PRKG1: variants seen among roughly 807,000 people sequenced by gnomAD.
PRKG1 encodes the protein cGMP-dependent protein kinase 1.
Under a neutral mutation model 88.1 loss-of-function variants are expected in PRKG1, and 35 were observed. The ratio of observed to expected loss-of-function variants is 0.40; its 90% confidence interval spans 0.30 to 0.53. The LOEUF (loss-of-function observed/expected upper bound fraction) is 0.53. PRKG1 is among the 20% of genes least tolerant of loss of function. PRKG1 has a pLI of 0.59. For missense variants in PRKG1, 540 were observed against 839.8 expected, an observed-to-expected ratio of 0.64 and a Z score of 4.41; for synonymous variants, 303 against 292.5, an observed-to-expected ratio of 1.04 and a Z score of -0.37.
intron 2 of PRKG1, among the ~76,000 whole-genome samples, chr10:51,157,737 CA>C (rs1846249696): frequency 6.6e-6 from 1 of 151,658 alleles, no homozygotes; most frequent in Admixed American, 6.6e-5. Context: ...TTTAAAATGG[CA>C]AGTGTCTGTT....
At chr10:51,020,682 A>G (rs1843124005) in intron 1 of PRKG1, among the ~76,000 whole-genome samples, 1 of 152,234 alleles carries the variant, frequency 6.6e-6, no homozygotes, top group Non-Finnish European at 1.5e-5. Context: ...TCTGTAAATT[A>G]GAAGACACCA....
chr10:51,286,130 C>T (rs1276103343), intron 2 of PRKG1, among the ~76,000 whole-genome samples: 1 of 152,106 alleles, frequency 6.6e-6, no homozygotes, highest in Non-Finnish European at 1.5e-5. Context: ...CCCACCATGC[C>T]TGGTTAATTT....
chr10:51,019,669 T>A lies in PRKG1; in HGVS notation c.266+28025T>A, dbSNP rs1033500699. The stretch of plus-strand genomic sequence containing the variant: ...TGGACTTCATGAAAATTAAAAAAAA[T>A]TGTGTCTCAAAAGACAATATCAACA... On this transcript the variant is annotated intron_variant, in intron 1 of 17. Coordinates refer to the PRKG1 transcript ENST00000401604. Among the ~76,000 whole-genome samples the A allele has an allele frequency of 3.3e-5, 5 of 151,562 alleles. No individual in the cohort carries two copies. In the East Asian group the frequency reaches 5.8e-4, roughly 18 times the overall value.
At chr10:51,342,524 T>C (rs566005365) in intron 2 of PRKG1, among the ~76,000 whole-genome samples, 1 of 152,278 alleles carries the variant, frequency 6.6e-6, no homozygotes, top group East Asian at 1.9e-4. Flanking sequence ...TGTTTGCCAA[T>C]TCAGTATCTC....
chr10:51,396,861 C>A (rs907257067), intron 2 of PRKG1, among the ~76,000 whole-genome samples: 11 of 152,140 alleles, frequency 7.2e-5, no homozygotes, highest in African/African-American at 2.7e-4. Flanking sequence ...GAGTGAAACA[C>A]CTTGGGTGGA....
chr10:52,101,560 T>C (rs1847293991), intron 7 of PRKG1, among the ~76,000 whole-genome samples: 1 of 152,186 alleles, frequency 6.6e-6, no homozygotes, highest in Non-Finnish European at 1.5e-5. Context: ...AATAGTAATA[T>C]AGTAATCAAC....
intron 2 of PRKG1, among the ~76,000 whole-genome samples, chr10:51,336,939 G>A (rs990641125): frequency 1.3e-5 from 2 of 152,134 alleles, no homozygotes; most frequent in South Asian, 2.1e-4. Flanking sequence ...CAAAAACAGA[G>A]CTCGTATAGC....
chr10:52,080,617 A>T (rs1846747446), intron 7 of PRKG1, among the ~76,000 whole-genome samples: 1 of 152,202 alleles, frequency 6.6e-6, no homozygotes, highest in Non-Finnish European at 1.5e-5. Flanking sequence ...TAAGGCCTAC[A>T]GAATCTTCTG....
chr10:51,044,787 C>G (rs2132762135), intron 1 of PRKG1, among the ~76,000 whole-genome samples: 1 of 152,256 alleles, frequency 6.6e-6, no homozygotes. Context: ...TCATCCCACT[C>G]TCCTCCAAAG....
At chr10:51,122,955 C>T (rs1218682670) in intron 1 of PRKG1, among the ~76,000 whole-genome samples, 1 of 152,146 alleles carries the variant, frequency 6.6e-6, no homozygotes, top group Admixed American at 6.5e-5. Flanking sequence ...CTAATCATAA[C>T]ATTTCCCCTG....
chr10:52,111,387 C>A (rs1007137541), intron 7 of PRKG1, among the ~76,000 whole-genome samples: 1 of 152,122 alleles, frequency 6.6e-6, no homozygotes, highest in Non-Finnish European at 1.5e-5. Flanking sequence ...GTAATGACAG[C>A]CTTTGTTGAC....
chr10:52,103,160 C>G (rs182102334), intron 7 of PRKG1, among the ~76,000 whole-genome samples: 13 of 152,254 alleles, frequency 8.5e-5, no homozygotes, highest in Admixed American at 2.0e-4. Flanking sequence ...TAAATTAACC[C>G]CAATCCCATG....
chr10:51,324,207 CTCTT>C (rs1841524966), intron 2 of PRKG1, among the ~76,000 whole-genome samples: 2 of 152,122 alleles, frequency 1.3e-5, no homozygotes, highest in Middle Eastern at 3.2e-3. Flanking sequence ...TAGCTTCTCT[CTCTT>C]TATTTTTGTA....
chr10:51,998,336 T>A (rs866599743), intron 5 of PRKG1, among the ~76,000 whole-genome samples: 11 of 152,106 alleles, frequency 7.2e-5, no homozygotes, highest in African/African-American at 2.4e-4. Context: ...GTGTGGGAGC[T>A]CCATTCACCC....
chr10:52,253,668 A>G (rs1284810859), intron 10 of PRKG1, among the ~76,000 whole-genome samples: 1 of 151,864 alleles, frequency 6.6e-6, no homozygotes, highest in African/African-American at 2.4e-5. Flanking sequence ...CCAGAGAAAT[A>G]CCAGATAGCC....
At position 52,068,202 on chromosome 10, in the gene PRKG1, C is replaced by CAAA. The variant is rs71032621; in HGVS notation, c.935+5594_935+5596dup. ...TGGGCGACAGAGCGAAACTCCGTCT[C>CAAA]AAAAAAAAAAAAAAAAAAAAAAAAA... On this transcript the variant is annotated intron_variant, in intron 7 of 17. Coordinates refer to ENST00000373980, the MANE Select transcript of PRKG1 (RefSeq NM_006258.4). 4.5e-3 allele frequency among the ~76,000 whole-genome samples: 176 copies of CAAA among 38,810 alleles called. 8 individuals carry two copies. The highest frequency in any genetic ancestry group is 5.2e-3 in the Non-Finnish European group (109 of 21,092). The allele number at this position is 38,810 out of a possible 152,430, so 25.5% of individuals were successfully genotyped here.
In PRKG1 at chr10:51,213,326, G is replaced by A. The variant is rs1054311742; in HGVS notation, c.478+59996G>A. On this transcript the variant is annotated intron_variant, in intron 2 of 17. Coordinates refer to ENST00000373980, the MANE Select transcript of PRKG1 (RefSeq NM_006258.4). ...CACCGGGGACTGTTGTGGGGTTGGG[G>A]GAGGGGGGAGGTATAGCATTAGGAG... Among the ~76,000 whole-genome samples, 5 of 152,252 alleles carry A rather than the reference G, an allele frequency of 3.3e-5. 1 individual carries two copies. Among genetic ancestry groups the A allele is most frequent in the African/African-American group, 1.2e-4 (5 of 41,548 alleles).
At chr10:51,988,778 G>T (rs60236713) in intron 5 of PRKG1, among the ~76,000 whole-genome samples, 33,185 of 151,668 alleles carry the variant, frequency 0.22, 5,017 homozygotes, top group African/African-American at 0.41. Flanking sequence ...TATGGGTGTG[G>T]CACATCTTTT....
At chr10:51,938,945 T>C (rs939532397) in intron 5 of PRKG1, among the ~76,000 whole-genome samples, 1 of 152,022 alleles carries the variant, frequency 6.6e-6, no homozygotes, top group Non-Finnish European at 1.5e-5. Flanking sequence ...ATTTTTGCAG[T>C]GGACACTGAT....
Sources: gnomAD v4.1 joint callset for allele counts (sites outside exome capture counted in the v4.1 genomes callset) on GRCh38, gnomAD v4.1.1 for gene constraint, MANE v1.5 for transcripts, NCBI Gene and HGNC (gene_info 2026-07-23, HGNC 2026-07-21) for gene names.